Variants in MAST4 observed in about 807,000 individuals in gnomAD.
MAST4 encodes microtubule-associated serine/threonine-protein kinase 4.
MAST4 carries 89 observed loss-of-function variants against 162.7 expected under a neutral mutation model. The observed-to-expected ratio is 0.55, with a 90% CI of 0.46 to 0.65. MAST4 has a LOEUF of 0.65. MAST4 is among the 30% of genes least tolerant of loss of function. The probability of loss-of-function intolerance (pLI) is 0.00; values close to 1 mark genes in which losing one functional copy is unlikely to be tolerated. For missense variants in MAST4, 3,153 were observed against 3,374.0 expected (o/e 0.93, Z 1.62); for synonymous variants, 1,479 against 1,361.1 (o/e 1.09, Z -1.91).
intron 4 of MAST4, among the ~76,000 whole-genome samples, chr5:66,950,207 A>G (rs1486324208): frequency 6.6e-6 from 1 of 151,586 alleles, no homozygotes; most frequent in East Asian, 1.9e-4. Flanking sequence ...GTCATAGGGT[A>G]AGTAAACTAG....
intron 4 of MAST4, chr5:66,916,876 CTTG>C (rs921220592): frequency 1.2e-5 from 8 of 647,890 alleles, no homozygotes; most frequent in African/African-American, 5.4e-5. Context: ...AACTGACATT[CTTG>C]TTGTTTTCAG....
At chr5:66,710,886 C>T (rs1026763410) in intron 1 of MAST4, among the ~76,000 whole-genome samples, 3 of 152,298 alleles carry the variant, frequency 2.0e-5, no homozygotes, top group South Asian at 4.1e-4. Context: ...GTAGAGAGAA[C>T]AGTATGCACA....
intron 2 of MAST4, among the ~76,000 whole-genome samples, chr5:66,771,629 C>T (rs1048039890): frequency 6.6e-6 from 1 of 152,118 alleles, no homozygotes; most frequent in Non-Finnish European, 1.5e-5. Flanking sequence ...TAGGTTCTAG[C>T]GTGATTCTAC....
chr5:66,801,998 C>A (rs1296344002), intron 3 of MAST4, among the ~76,000 whole-genome samples: 1 of 152,074 alleles, frequency 6.6e-6, no homozygotes, highest in Non-Finnish European at 1.5e-5. Context: ...AAGACAGAAA[C>A]AAATGTTAGC....
At chr5:66,969,816 T>C (rs1161661471) in intron 4 of MAST4, among the ~76,000 whole-genome samples, 1 of 152,242 alleles carries the variant, frequency 6.6e-6, no homozygotes, top group Non-Finnish European at 1.5e-5. Context: ...TTTCTTTCGC[T>C]TTTTACAATG....
chr5:66,636,806 G>C (rs1421311124), intron 1 of MAST4, among the ~76,000 whole-genome samples: 1 of 152,184 alleles, frequency 6.6e-6, no homozygotes, highest in Non-Finnish European at 1.5e-5. Flanking sequence ...CTGGAGAGGT[G>C]CTGAGATTGT....
At chr5:66,759,409 T>C (rs1561311658) in intron 1 of MAST4, among the ~76,000 whole-genome samples, 1 of 152,208 alleles carries the variant, frequency 6.6e-6, no homozygotes, top group Non-Finnish European at 1.5e-5. Flanking sequence ...ATTTCTGTTC[T>C]ATTGCATTAA....
At chr5:66,847,820 C>CAAAAAAAAAAAAAAAAAAAAAAAAAAAAA (rs777825639) in intron 3 of MAST4, among the ~76,000 whole-genome samples, 2 of 54,146 alleles carry the variant, frequency 3.7e-5, no homozygotes, top group African/African-American at 1.7e-4. Context: ...GACTCCTTCT[C>CAAAAAAAAAAAAAAAAAAAAAAAAAAAAA]AAAAAAAAAA....
chr5:66,863,165 A>G (rs564037737), intron 3 of MAST4, among the ~76,000 whole-genome samples: 2 of 152,212 alleles, frequency 1.3e-5, no homozygotes, highest in Non-Finnish European at 2.9e-5. Flanking sequence ...AATCCCAGTG[A>G]TTAGATATGT....
At chr5:66,827,046 G>C (rs59556543) in intron 3 of MAST4, among the ~76,000 whole-genome samples, 7,017 of 152,250 alleles carry the variant, frequency 0.046, 255 homozygotes, top group South Asian at 0.13. Flanking sequence ...AAGGTTGGGG[G>C]TCTGTTCTCC....
intron 4 of MAST4, chr5:66,902,873 C>A (rs753841137): frequency 2.6e-4 from 87 of 335,202 alleles, no homozygotes; most frequent in Admixed American, 5.8e-4. Flanking sequence ...TGTACTTTCC[C>A]CCTCATTCTC....
chr5:67,037,914 C>T lies in MAST4; in HGVS notation c.675-16490C>T, dbSNP rs537562487. ...AACTAGAACACAAACATTAATTGTT[C>T]GTTCTTCTGGTGTTTGCCTGATACA... On this transcript the variant is annotated intron_variant, in intron 4 of 28. Coordinates refer to ENST00000403625, the MANE Select transcript of MAST4 (RefSeq NM_001164664.2). Among the ~76,000 whole-genome samples the T allele has an allele frequency of 8.0e-5, 12 of 150,830 alleles. 1 individual carries two copies. Among genetic ancestry groups the T allele is most frequent in the Non-Finnish European group, 1.2e-4 (8 of 67,734 alleles).
chr5:67,040,607 G>A (rs1351986289), intron 4 of MAST4, among the ~76,000 whole-genome samples: 3 of 152,174 alleles, frequency 2.0e-5, no homozygotes, highest in Non-Finnish European at 4.4e-5. Context: ...CTGATGTAAA[G>A]CTCCATAGCT....
chr5:67,012,439 T>C (rs1342302833), intron 4 of MAST4, among the ~76,000 whole-genome samples: 1 of 152,160 alleles, frequency 6.6e-6, no homozygotes, highest in Non-Finnish European at 1.5e-5. Context: ...TGAGTAAGCA[T>C]GTTATGTTAA....
At chr5:66,948,270 T>C (rs1744265488) in intron 4 of MAST4, among the ~76,000 whole-genome samples, 1 of 152,114 alleles carries the variant, frequency 6.6e-6, no homozygotes, top group Non-Finnish European at 1.5e-5. Flanking sequence ...AGTTGGAGTG[T>C]GAGGATGATA....
chr5:66,804,740 A>G (rs1212056560), intron 3 of MAST4, among the ~76,000 whole-genome samples: 1 of 152,192 alleles, frequency 6.6e-6, no homozygotes, highest in African/African-American at 2.4e-5. Flanking sequence ...TGTTGCCTAT[A>G]AAGGCATCTG....
intron 4 of MAST4, among the ~76,000 whole-genome samples, chr5:67,004,175 G>C (rs2150326433): frequency 6.6e-6 from 1 of 152,172 alleles, no homozygotes; most frequent in East Asian, 2.0e-4. Context: ...CCAGGCTGCG[G>C]GGCTGTCCCG....
chr5:66,839,564 A>G (rs1439017069), intron 3 of MAST4, among the ~76,000 whole-genome samples: 2 of 152,120 alleles, frequency 1.3e-5, no homozygotes, highest in Non-Finnish European at 2.9e-5. Context: ...TGAAAATAAT[A>G]TGTCCAGCTT....
At chr5:66,764,083 A>G (rs912177995) in intron 2 of MAST4, among the ~76,000 whole-genome samples, 1 of 152,196 alleles carries the variant, frequency 6.6e-6, no homozygotes, top group African/African-American at 2.4e-5. Flanking sequence ...AGCAACAGTA[A>G]TGTTGCATAA....
Sources: gnomAD v4.1 joint callset for allele counts (sites outside exome capture counted in the v4.1 genomes callset) on GRCh38, gnomAD v4.1.1 for gene constraint, MANE v1.5 for transcripts, NCBI Gene and HGNC (gene_info 2026-07-23, HGNC 2026-07-21) for gene names.